Variants in PCDHA2 observed in about 807,000 individuals in gnomAD.
PCDHA2 encodes protocadherin alpha 2, also known as protocadherin alpha-2.
A neutral mutation model predicts 66.0 loss-of-function variants in PCDHA2; 58 were observed. The observed-to-expected ratio is 0.88, with a 90% CI of 0.71 to 1.09. PCDHA2 has a LOEUF of 1.09. Ranked by LOEUF, PCDHA2 falls within the 50% of genes least tolerant of loss-of-function variation. The pLI, the probability that PCDHA2 is intolerant of heterozygous loss-of-function variation, is 0.00. For missense variants in PCDHA2, 1,267 were observed against 1,242.3 expected (o/e 1.02, Z -0.30); for synonymous variants, 634 against 554.0 (o/e 1.14, Z -2.03).
intron 1 of PCDHA2, chr5:140,828,079 A>C: frequency 6.3e-7 from 1 of 1,579,036 alleles, no homozygotes; most frequent in Non-Finnish European, 8.6e-7. Context: ...AAATAAAACC[A>C]GAGGTATTTG....
chr5:140,807,654 G>A lies in PCDHA2; in HGVS notation c.2388+10302G>A, dbSNP rs1243114134. On this transcript the variant is annotated intron_variant, in intron 1 of 3. Transcript: ENST00000526136. The stretch of plus-strand genomic sequence containing the variant: ...CTTGACTCTCGGTTTCCACTAGAGG[G>A]CGCCTCGGATGCAGATATCGGGGAG... The A allele has an allele frequency of 5.0e-6, 8 of 1,614,088 alleles. No individual in the cohort carries two copies. Among genetic ancestry groups the A allele is most frequent in the African/African-American group, 4.0e-5 (3 of 74,916 alleles).
At chr5:140,886,599 G>A (rs1370842751) in intron 1 of PCDHA2, among the ~76,000 whole-genome samples, 1 of 151,940 alleles carries the variant, frequency 6.6e-6, no homozygotes, top group African/African-American at 2.4e-5. Flanking sequence ...AGGCCAAGGT[G>A]GGCGGATCAG....
At chr5:140,862,330 T>A in intron 1 of PCDHA2, 1 of 326,684 alleles carries the variant, frequency 3.1e-6, no homozygotes, top group Non-Finnish European at 6.0e-6. Flanking sequence ...TCAGTGTAAT[T>A]GACCCTAACT....
At chr5:140,967,589 T>C (rs782348275) in intron 1 of PCDHA2, 20 of 1,613,912 alleles carry the variant, frequency 1.2e-5, no homozygotes, top group African/African-American at 1.2e-4. Context: ...CCCAGGCACA[T>C]TGGTGGTGAA....
chr5:140,850,619 T>C (rs1327307215), intron 1 of PCDHA2: 1 of 1,598,468 alleles, frequency 6.3e-7, no homozygotes, highest in Non-Finnish European at 8.6e-7. Context: ...GCGCGGTGTC[T>C]AGCCTGTTGG....
intron 1 of PCDHA2, among the ~76,000 whole-genome samples, chr5:140,838,563 G>C (rs1007641143): frequency 1.3e-5 from 2 of 151,752 alleles, no homozygotes; most frequent in African/African-American, 4.9e-5. Flanking sequence ...ATCCAGTACT[G>C]TATTAGGGAC....
intron 1 of PCDHA2, chr5:140,822,153 T>C (rs2150114152): frequency 6.2e-7 from 1 of 1,614,244 alleles, no homozygotes; most frequent in South Asian, 1.1e-5. Context: ...AGGACATCAA[T>C]GACAATCCGC....
chr5:140,964,586 C>T (rs2095842092), intron 1 of PCDHA2, among the ~76,000 whole-genome samples: 1 of 152,078 alleles, frequency 6.6e-6, no homozygotes, highest in Non-Finnish European at 1.5e-5. Flanking sequence ...GAGGAAAGAT[C>T]ACTTTTCATG....
At chr5:140,818,474 GT>G (rs1766369825) in intron 1 of PCDHA2, among the ~76,000 whole-genome samples, 1 of 152,132 alleles carries the variant, frequency 6.6e-6, no homozygotes, top group South Asian at 2.1e-4. Flanking sequence ...CTCCCACAAA[GT>G]TTTCACTCAC....
chr5:140,886,558 T>G (rs535461538), intron 1 of PCDHA2, among the ~76,000 whole-genome samples: 1 of 152,202 alleles, frequency 6.6e-6, no homozygotes, highest in South Asian at 2.1e-4. Flanking sequence ...CTGGGCACGG[T>G]GGCTCACGCC....
chr5:140,915,306 A>G (rs999638953), intron 1 of PCDHA2, among the ~76,000 whole-genome samples: 1 of 152,136 alleles, frequency 6.6e-6, no homozygotes, highest in Non-Finnish European at 1.5e-5. Context: ...ATAAGTTTAC[A>G]TACCACAATT....
intron 1 of PCDHA2, chr5:140,862,434 T>C: frequency 2.8e-6 from 1 of 354,954 alleles, no homozygotes; most frequent in South Asian, 2.1e-5. Flanking sequence ...AAACTATTCG[T>C]TGGTACTCCA....
chr5:140,989,528 G>A (rs1451731382), intron 3 of PCDHA2, among the ~76,000 whole-genome samples: 2 of 152,178 alleles, frequency 1.3e-5, no homozygotes, highest in African/African-American at 4.8e-5. Context: ...GGCAGAGGAG[G>A]AAGATAGTTT....
chr5:140,987,277 A>C (rs1326809190), intron 3 of PCDHA2, among the ~76,000 whole-genome samples: 2 of 152,122 alleles, frequency 1.3e-5, no homozygotes, highest in African/African-American at 4.8e-5. Flanking sequence ...CCGGCAGTCT[A>C]TGTTTTAACA....
At chr5:140,828,366 G>A (rs1554131260) in intron 1 of PCDHA2, 6 of 1,614,164 alleles carry the variant, frequency 3.7e-6, no homozygotes, top group African/African-American at 1.3e-5. Flanking sequence ...CGGATCGACC[G>A]CGAGGAGCTG....
At chr5:140,883,912 C>A in intron 1 of PCDHA2, 1 of 1,613,300 alleles carries the variant, frequency 6.2e-7, no homozygotes, top group South Asian at 1.1e-5. Context: ...TGGGCAGCAA[C>A]GTGACGCTGC....
intron 1 of PCDHA2, chr5:140,843,068 C>A (rs1345239073): frequency 1.9e-6 from 3 of 1,595,102 alleles, no homozygotes; most frequent in Admixed American, 1.7e-5. Flanking sequence ...GCTGGTGCCG[C>A]GGTCTGTGGG....
rs782599196 is a variant in PCDHA2 at position 140,795,585 on chromosome 5, G to A, written c.621G>A (p.Glu207=). 5 of 1,614,070 alleles carry A rather than the reference G, an allele frequency of 3.1e-6. No individual in the cohort carries two copies. The highest frequency in any genetic ancestry group is 4.2e-6 in the Non-Finnish European group (5 of 1,180,052). ...GKSLDREETA[E]VNLLLVATDG... is the part of the protein sequence containing the mutation. The stretch of plus-strand genomic sequence containing the variant: ...CGCTGGACAGAGAGGAAACTGCTGA[G>A]GTTAATTTGTTACTGGTGGCTACTG... Residue 207 remains glutamate, a synonymous_variant, in exon 1 of 4, where the codon GAG becomes GAA. Transcript: ENST00000526136.
intron 1 of PCDHA2, chr5:140,877,379 TC>T (rs1169435329): frequency 1.9e-6 from 3 of 1,613,950 alleles, no homozygotes. Flanking sequence ...ACGACACGCA[TC>T]CTGGATGAGG....
Sources: gnomAD v4.1 joint callset for allele counts (sites outside exome capture counted in the v4.1 genomes callset) on GRCh38, gnomAD v4.1.1 for gene constraint, MANE v1.5 for transcripts, NCBI Gene and HGNC (gene_info 2026-07-23, HGNC 2026-07-21) for gene names.